The following TENM4 variants were observed in gnomAD, a reference collection of about 807,000 sequenced individuals.
TENM4 encodes the protein teneurin transmembrane protein 4.
Under a neutral mutation model 243.3 loss-of-function variants are expected in TENM4, and 82 were observed. That is an observed-to-expected ratio of 0.34 (90% confidence interval 0.28 to 0.40). The LOEUF (loss-of-function observed/expected upper bound fraction) is 0.40, where lower values mean the gene tolerates loss of function less well. TENM4 is among the 10% of genes least tolerant of loss of function. The probability of loss-of-function intolerance (pLI) is 1.00; values close to 1 mark genes in which losing one functional copy is unlikely to be tolerated. For synonymous variants in TENM4, 1,412 were observed against 1,456.3 expected, an observed-to-expected ratio of 0.97 and a Z score of 0.69; for missense variants, 3,138 against 3,673.3, an observed-to-expected ratio of 0.85 and a Z score of 3.77.
At chr11:78,996,327 G>A (rs1161950187) in intron 6 of TENM4, among the ~76,000 whole-genome samples, 2 of 152,130 alleles carry the variant, frequency 1.3e-5, no homozygotes, top group Non-Finnish European at 2.9e-5. Flanking sequence ...CTAGTTAAGT[G>A]GAAAAACCAC....
chr11:78,838,367 T>C (rs984488298), intron 12 of TENM4, among the ~76,000 whole-genome samples: 2 of 151,874 alleles, frequency 1.3e-5, no homozygotes, highest in Non-Finnish European at 2.9e-5. Context: ...GTGATTTTTC[T>C]TATTTTGTAA....
At chr11:78,810,247 A>G (rs1857470026) in intron 14 of TENM4, among the ~76,000 whole-genome samples, 3 of 152,244 alleles carry the variant, frequency 2.0e-5, no homozygotes, top group Admixed American at 2.0e-4. Context: ...AATCAGTACC[A>G]GATGGCCCTC....
At chr11:78,876,422 T>C (rs901861460) in intron 9 of TENM4, among the ~76,000 whole-genome samples, 3 of 152,226 alleles carry the variant, frequency 2.0e-5, no homozygotes, top group African/African-American at 4.8e-5. Context: ...ACTCTTCTGA[T>C]ACAGATGCAG....
intron 4 of TENM4, among the ~76,000 whole-genome samples, chr11:79,116,797 T>G (rs997951398): frequency 2.0e-5 from 3 of 152,208 alleles, no homozygotes; most frequent in Non-Finnish European, 4.4e-5. Flanking sequence ...CATGTTGCCT[T>G]GGACACATGA....
Position 79,431,407 on chromosome 11 carries a change from A to C in TENM4, c.-321+9102T>G, listed in dbSNP as rs76517376. Among the ~76,000 whole-genome samples, 780 of 152,240 alleles carry C rather than the reference A, an allele frequency of 5.1e-3. 4 individuals are homozygous for C. Among genetic ancestry groups the C allele is most frequent in the Non-Finnish European group, 8.1e-3 (553 of 68,004 alleles). ...TTTTATAAATAACACTGCAATGAAC[A>C]TTTTTATTCTTAAATTTTCTCTGCC... On this transcript the variant is annotated intron_variant, in intron 1 of 33. Transcript: ENST00000278550.
intron 15 of TENM4, 39 bp downstream of exon 15, chr11:78,805,253 C>T: frequency 1.3e-6 from 2 of 1,483,936 alleles, no homozygotes; most frequent in South Asian, 1.3e-5. Flanking sequence ...AGTGGAAATC[C>T]CCTCCCTCTA....
chr11:78,766,113 A>G (rs1856534935), intron 18 of TENM4, among the ~76,000 whole-genome samples: 1 of 152,180 alleles, frequency 6.6e-6, no homozygotes, highest in South Asian at 2.1e-4. Context: ...TAGTTGATAA[A>G]CTAAGTCTTA....
At chr11:79,012,526 C>T (rs1858672672) in intron 6 of TENM4, among the ~76,000 whole-genome samples, 2 of 152,150 alleles carry the variant, frequency 1.3e-5, no homozygotes, top group African/African-American at 4.8e-5. Context: ...AGTTTTCTCA[C>T]TGTCTGACAC....
chr11:79,259,441 T>C (rs1855754312), intron 2 of TENM4, among the ~76,000 whole-genome samples: 1 of 152,176 alleles, frequency 6.6e-6, no homozygotes. Context: ...TACATTCTAA[T>C]GAAATCTACC....
At chr11:78,825,034 A>G (rs2136131473) in intron 12 of TENM4, among the ~76,000 whole-genome samples, 1 of 152,322 alleles carries the variant, frequency 6.6e-6, no homozygotes. Flanking sequence ...CCACTCGCAA[A>G]TGTATCACAC....
chr11:79,237,359 C>A (rs1176673601), intron 2 of TENM4, among the ~76,000 whole-genome samples: 2 of 152,128 alleles, frequency 1.3e-5, no homozygotes, highest in East Asian at 3.9e-4. Flanking sequence ...AATCAGATCA[C>A]CTGGCTTATT....
intron 2 of TENM4, among the ~76,000 whole-genome samples, chr11:79,272,088 C>G (rs1565277809): frequency 6.6e-6 from 1 of 152,142 alleles, no homozygotes; most frequent in Non-Finnish European, 1.5e-5. Flanking sequence ...CAGCCTCAGG[C>G]CTTTGTGACT....
chr11:78,684,140 G>A (rs762420281), intron 29 of TENM4, among the ~76,000 whole-genome samples: 5 of 152,224 alleles, frequency 3.3e-5, no homozygotes, highest in African/African-American at 9.6e-5. Flanking sequence ...TCACTGCTCC[G>A]TTAATGAACA....
chr11:78,862,887 C>T lies in TENM4; in HGVS notation c.1255+75G>A, dbSNP rs147257830. 4.0e-4 allele frequency: 513 copies of T among 1,293,006 alleles called. 4 individuals are homozygous for T. The African/African-American group carries it at 6.2e-3, about 16-fold the overall frequency. 80.1% of individuals were successfully genotyped at this position (1,293,006 alleles called of 1,614,324 possible). A position where few individuals can be genotyped will look rare whatever the true frequency, so the allele number is the denominator to read the frequency against. ...AGCTGTGAGCCAGGCACATGATGCA[C>T]GCACGTTATGGAGGGCTCTTCAGCT... On this transcript the variant is annotated intron_variant, in intron 10 of 33. Transcript: ENST00000278550.
chr11:78,980,017 C>T (rs997091667), intron 6 of TENM4, among the ~76,000 whole-genome samples: 1 of 152,162 alleles, frequency 6.6e-6, no homozygotes, highest in Non-Finnish European at 1.5e-5. Flanking sequence ...TTACCATCAC[C>T]CCCATTTAGT....
intron 6 of TENM4, among the ~76,000 whole-genome samples, chr11:78,912,955 G>A (rs1367396606): frequency 6.6e-6 from 1 of 152,218 alleles, no homozygotes; most frequent in Non-Finnish European, 1.5e-5. Flanking sequence ...TTTGCTGTGT[G>A]ACCTTGGGCA....
intron 4 of TENM4, among the ~76,000 whole-genome samples, chr11:79,091,163 T>G (rs901688236): frequency 6.6e-6 from 1 of 152,232 alleles, no homozygotes; most frequent in Non-Finnish European, 1.5e-5. Flanking sequence ...CGAGTTTCAT[T>G]TAAGCAATCA....
At chr11:79,347,185 A>C (rs187794728) in intron 1 of TENM4, among the ~76,000 whole-genome samples, 1 of 152,250 alleles carries the variant, frequency 6.6e-6, no homozygotes, top group African/African-American at 2.4e-5. Context: ...CACCAAATAA[A>C]CATGCAGGCC....
chr11:78,673,860 G>A (rs1858397951), intron 30 of TENM4, among the ~76,000 whole-genome samples: 1 of 152,210 alleles, frequency 6.6e-6, no homozygotes, highest in Admixed American at 6.5e-5. Context: ...AGCTGTGAAT[G>A]ACCTGGTTAT....
Sources: allele counts gnomAD v4.1 joint callset (sites outside exome capture counted in the v4.1 genomes callset), GRCh38; gene constraint gnomAD v4.1.1; transcripts MANE v1.5; gene names NCBI Gene and HGNC (gene_info 2026-07-23, HGNC 2026-07-21).